The following SMYD3 variants were observed in gnomAD, a reference collection of about 807,000 sequenced individuals.
The protein encoded by SMYD3 is histone-lysine N-methyltransferase SMYD3.
SMYD3 carries 36 observed loss-of-function variants against 57.7 expected under a neutral mutation model. The observed-to-expected ratio is 0.62, with a 90% CI of 0.48 to 0.82. The LOEUF is 0.82. SMYD3 is among the 40% of genes least tolerant of loss of function. The pLI is 0.00. For missense variants in SMYD3, 515 were observed against 538.8 expected (o/e 0.96, Z 0.44); for synonymous variants, 211 against 195.0 (o/e 1.08, Z -0.68).
At chr1:246,306,465 C>T in intron 5 of SMYD3, among the ~76,000 whole-genome samples, 1 of 152,214 alleles carries the variant, frequency 6.6e-6, no homozygotes, top group East Asian at 1.9e-4. Context: ...ATGAATAAAA[C>T]TATATTTTAT....
chr1:246,465,084 A>T (rs1399231461), intron 1 of SMYD3, among the ~76,000 whole-genome samples: 1 of 152,278 alleles, frequency 6.6e-6, no homozygotes, highest in African/African-American at 2.4e-5. Context: ...CTTGAAAATG[A>T]GGAATACAAA....
At chr1:245,810,174 A>G (rs544195819) in intron 10 of SMYD3, among the ~76,000 whole-genome samples, 1 of 152,318 alleles carries the variant, frequency 6.6e-6, no homozygotes, top group East Asian at 1.9e-4. Flanking sequence ...CCTTCGAGTT[A>G]GAGCAGCTCT....
At chr1:246,393,212 T>C (rs1001777298) in intron 1 of SMYD3, among the ~76,000 whole-genome samples, 1 of 152,178 alleles carries the variant, frequency 6.6e-6, no homozygotes, top group Non-Finnish European at 1.5e-5. Context: ...TACACAGAAC[T>C]ATACAATTTA....
intron 5 of SMYD3, among the ~76,000 whole-genome samples, chr1:246,316,462 G>C (rs11590229): frequency 0.45 from 66,533 of 148,566 alleles, 15,754 homozygotes; most frequent in East Asian, 0.82. Flanking sequence ...CAGGTTCAAG[G>C]GAGTCTCATG....
intron 5 of SMYD3, among the ~76,000 whole-genome samples, chr1:246,316,612 C>T (rs985315419): frequency 2.1e-5 from 3 of 144,076 alleles, no homozygotes; most frequent in Admixed American, 1.4e-4. Flanking sequence ...AACTCCTGAC[C>T]TCAGGTGATC....
chr1:245,861,159 G>A (rs779522240), intron 9 of SMYD3, among the ~76,000 whole-genome samples: 2 of 152,156 alleles, frequency 1.3e-5, no homozygotes, highest in Admixed American at 6.5e-5. Context: ...GCCAAAAAAT[G>A]GAATAATTTT....
intron 1 of SMYD3, among the ~76,000 whole-genome samples, chr1:246,487,006 T>C (rs1157058814): frequency 6.6e-6 from 1 of 152,138 alleles, no homozygotes; most frequent in East Asian, 1.9e-4. Context: ...CCTATACTAA[T>C]AGAAAATATG....
intron 11 of SMYD3, among the ~76,000 whole-genome samples, chr1:245,750,697 T>C (rs898089846): frequency 6.9e-6 from 1 of 145,036 alleles, no homozygotes; most frequent in Admixed American, 7.0e-5. Flanking sequence ...AGATAAGCAA[T>C]ATTATCCTGC....
chr1:246,060,582 A>ATTTTTTTTTTTTTTTTTTTTTTTTT (rs1558191811), intron 5 of SMYD3, among the ~76,000 whole-genome samples: 3 of 152,294 alleles, frequency 2.0e-5, no homozygotes, highest in Admixed American at 1.3e-4. Context: ...CATTTTAATA[A>ATTTTTTTTTTTTTTTTTTTTTTTTT]ATTTTTATGA....
rs527995486 is a variant in SMYD3, at chr1:246,436,438, G to T, written c.164+70616C>A. ...AAAATAATTTTACACTTACATAAAA[G>T]TCACAATAATAGCACAGAGGATTCC... On this transcript the variant is annotated intron_variant, in intron 1 of 11. Coordinates refer to ENST00000490107, the MANE Select transcript of SMYD3 (RefSeq NM_001167740.2). Among the ~76,000 whole-genome samples, 92 of 152,212 alleles carry T rather than the reference G, an allele frequency of 6.0e-4. 1 individual carries two copies. Among genetic ancestry groups the T allele is most frequent in the African/African-American group, 2.2e-3 (91 of 41,538 alleles).
chr1:246,173,800 T>C (rs1053161370), intron 5 of SMYD3, among the ~76,000 whole-genome samples: 4 of 152,108 alleles, frequency 2.6e-5, no homozygotes, highest in African/African-American at 9.7e-5. Context: ...TGTTTACAGT[T>C]AATTTTTTAA....
chr1:245,977,049 G>GTCTCTA lies in SMYD3; in HGVS notation c.532-47113_532-47112insTAGAGA. ...TAGCCCAGGGAAAGCCATCGTCTCC[G>GTCTCTA]GCCCAGGGAAAGCCATCGTCTCTAG... On this transcript the variant is annotated intron_variant, in intron 5 of 11. Coordinates refer to ENST00000490107, the MANE Select transcript of SMYD3 (RefSeq NM_001167740.2). 2.5e-3 allele frequency among the ~76,000 whole-genome samples: 25 copies of GTCTCTA among 10,038 alleles called. 6 individuals are homozygous for GTCTCTA. Among genetic ancestry groups the GTCTCTA allele is most frequent in the Non-Finnish European group, 4.9e-3 (11 of 2,254 alleles). 6.6% of individuals were successfully genotyped at this position (10,038 alleles called of 152,430 possible).
intron 1 of SMYD3, among the ~76,000 whole-genome samples, chr1:246,495,307 C>T (rs1484597248): frequency 7.0e-6 from 1 of 143,720 alleles, no homozygotes; most frequent in African/African-American, 2.6e-5. Context: ...CGAGATCATG[C>T]CACTGCACTC....
intron 5 of SMYD3, among the ~76,000 whole-genome samples, chr1:246,317,722 G>A: frequency 6.6e-6 from 1 of 151,998 alleles, no homozygotes; most frequent in Middle Eastern, 3.2e-3. Flanking sequence ...AAAAAATCAT[G>A]TTGTACATGA....
Position 246,158,266 on chromosome 1 carries a change from A to G in SMYD3, c.531+168935T>C, listed in dbSNP as rs111636273. Among the ~76,000 whole-genome samples, 244 of 152,348 alleles carry G rather than the reference A, an allele frequency of 1.6e-3. 1 individual carries two copies. The highest frequency in any genetic ancestry group is 5.4e-3 in the African/African-American group (226 of 41,586). On this transcript the variant is annotated intron_variant, in intron 5 of 11. Coordinates refer to ENST00000490107, the MANE Select transcript of SMYD3 (RefSeq NM_001167740.2). Reference sequence around the variant, plus strand: ...AGCTCCGTTGGTTTGTAATTGATGTATCTGACACTAAAATTTCATTCTATG... The same window carrying G: ...AGCTCCGTTGGTTTGTAATTGATGTGTCTGACACTAAAATTTCATTCTATG...
At chr1:246,038,773 C>G (rs1371336438) in intron 5 of SMYD3, among the ~76,000 whole-genome samples, 2 of 152,144 alleles carry the variant, frequency 1.3e-5, no homozygotes, top group African/African-American at 4.8e-5. Flanking sequence ...TCTGTTCCTG[C>G]ATGACTGTGC....
intron 5 of SMYD3, among the ~76,000 whole-genome samples, chr1:246,240,617 A>C (rs1312923035): frequency 6.6e-6 from 1 of 152,114 alleles, no homozygotes; most frequent in Non-Finnish European, 1.5e-5. Context: ...GTTTTTTCCA[A>C]TTCTGTGAAG....
intron 1 of SMYD3, among the ~76,000 whole-genome samples, chr1:246,506,707 T>A (rs879706029): frequency 1.3e-5 from 2 of 152,126 alleles, no homozygotes; most frequent in Non-Finnish European, 1.5e-5. Context: ...AGGAAGACTG[T>A]CCAGCACACA....
chr1:246,367,770 G>T (rs935637797), intron 1 of SMYD3, among the ~76,000 whole-genome samples: 1 of 152,136 alleles, frequency 6.6e-6, no homozygotes, highest in Non-Finnish European at 1.5e-5. Context: ...GAATGTATCA[G>T]TCAGAGAAAA....
Sources: gnomAD v4.1 joint callset for allele counts (sites outside exome capture counted in the v4.1 genomes callset) on GRCh38, gnomAD v4.1.1 for gene constraint, MANE v1.5 for transcripts, NCBI Gene and HGNC (gene_info 2026-07-23, HGNC 2026-07-21) for gene names.